UNC13B: variants seen among roughly 807,000 people sequenced by gnomAD.
UNC13B encodes unc-13 homolog B.
A neutral mutation model predicts 211.0 loss-of-function variants in UNC13B; 144 were observed. The ratio of observed to expected loss-of-function variants is 0.68; its 90% CI spans 0.60 to 0.78. The LOEUF (loss-of-function observed/expected upper bound fraction) is 0.78, where lower values mean the gene tolerates loss of function less well. UNC13B is among the 30% of genes least tolerant of loss of function. The pLI is 0.00. For missense variants in UNC13B, 1,777 were observed against 2,002.0 expected, an observed-to-expected ratio of 0.89 and a Z score of 2.14; for synonymous variants, 709 against 725.8, an observed-to-expected ratio of 0.98 and a Z score of 0.37.
chr9:35,401,914 T>C (rs1157802931), intron 37 of UNC13B: 13 of 1,542,804 alleles, frequency 8.4e-6, no homozygotes, highest in Non-Finnish European at 1.1e-5. Context: ...TCTGTTCTGC[T>C]GCTGCTACTA....
chr9:35,356,218 T>A (rs1833010592), intron 11 of UNC13B, among the ~76,000 whole-genome samples: 1 of 152,182 alleles, frequency 6.6e-6, no homozygotes, highest in African/African-American at 2.4e-5. Flanking sequence ...TAGACTTCAC[T>A]GGAGCAGTCC....
chr9:35,382,129 T>C (rs1413545733), intron 20 of UNC13B, among the ~76,000 whole-genome samples: 1 of 151,996 alleles, frequency 6.6e-6, no homozygotes, highest in African/African-American at 2.4e-5. Flanking sequence ...GTGTATGGAG[T>C]TGACCAGGAC....
At chr9:35,295,651 C>T in intron 7 of UNC13B, 45 bp from the exon 8 acceptor site, 1 of 1,571,056 alleles carries the variant, frequency 6.4e-7, no homozygotes, top group South Asian at 1.1e-5. Context: ...TTCTGAAGAA[C>T]TAAATAAAGC....
intron 37 of UNC13B, 119 bp downstream of exon 37, chr9:35,400,562 A>T: frequency 8.1e-7 from 1 of 1,241,254 alleles, no homozygotes; most frequent in African/African-American, 1.5e-5. Context: ...AGAGCCCTTC[A>T]AATTCAGATC....
chr9:35,184,814 GGAGA>G (rs1449581476), intron 1 of UNC13B, among the ~76,000 whole-genome samples: 1 of 71,848 alleles, frequency 1.4e-5, no homozygotes, highest in African/African-American at 5.7e-5. Flanking sequence ...GGGGGGGGGG[GGAGA>G]GAGAGAGAGA....
intron 1 of UNC13B, among the ~76,000 whole-genome samples, chr9:35,163,700 G>C (rs529718532): frequency 2.6e-5 from 4 of 152,316 alleles, no homozygotes; most frequent in African/African-American, 9.6e-5. Context: ...GAGCACTCGT[G>C]AATCAGAAAT....
At chr9:35,291,093 G>C (rs532935847) in intron 7 of UNC13B, 1 of 1,550,252 alleles carries the variant, frequency 6.5e-7, no homozygotes, top group Non-Finnish European at 8.7e-7. Context: ...TTGGGCTGGG[G>C]AGAACAACAG....
chr9:35,381,950 A>G (rs1275053191), intron 20 of UNC13B, among the ~76,000 whole-genome samples: 1 of 152,172 alleles, frequency 6.6e-6, no homozygotes, highest in African/African-American at 2.4e-5. Context: ...AGTTGAGGGA[A>G]CTCTGCAGGG....
chr9:35,397,813 T>A (rs1835989071), intron 30 of UNC13B, 101 bp downstream of exon 30: 4 of 1,205,708 alleles, frequency 3.3e-6, no homozygotes, highest in Non-Finnish European at 4.8e-6. Flanking sequence ...GTGACACTCC[T>A]GATGCCTGAT....
At chr9:35,325,620 A>G (rs1044688607) in intron 11 of UNC13B, among the ~76,000 whole-genome samples, 2 of 152,224 alleles carry the variant, frequency 1.3e-5, no homozygotes, top group African/African-American at 4.8e-5. Context: ...ATCTTAAAGT[A>G]TACAATTAAG....
intron 17 of UNC13B, among the ~76,000 whole-genome samples, chr9:35,379,268 C>A (rs1834658287): frequency 6.6e-6 from 1 of 152,048 alleles, no homozygotes; most frequent in African/African-American, 2.4e-5. Context: ...GCCAACATGG[C>A]AAAACCCCAT....
chr9:35,276,636 G>A (rs985117088), intron 7 of UNC13B, among the ~76,000 whole-genome samples: 3 of 152,030 alleles, frequency 2.0e-5, no homozygotes, highest in African/African-American at 7.3e-5. Flanking sequence ...ATAGAAATAC[G>A]TAACATGGGT....
At chr9:35,321,156 A>T (rs1223911181) in intron 11 of UNC13B, among the ~76,000 whole-genome samples, 1 of 152,134 alleles carries the variant, frequency 6.6e-6, no homozygotes, top group African/African-American at 2.4e-5. Flanking sequence ...TGAAAACATG[A>T]TTTAATGACT....
intron 8 of UNC13B, among the ~76,000 whole-genome samples, chr9:35,298,131 T>C (rs545944532): frequency 6.6e-6 from 1 of 152,296 alleles, no homozygotes; most frequent in South Asian, 2.1e-4. Context: ...TAAAATTCAC[T>C]AGACTGGCTA....
chr9:35,254,988 A>ATATAT (rs535651973), intron 6 of UNC13B, among the ~76,000 whole-genome samples: 29 of 121,174 alleles, frequency 2.4e-4, no homozygotes, highest in South Asian at 1.3e-3. Context: ...TAATATATGT[A>ATATAT]TATATTATAT....
chr9:35,357,732 CA>C (rs1833125229), intron 11 of UNC13B, among the ~76,000 whole-genome samples: 2 of 151,776 alleles, frequency 1.3e-5, no homozygotes, highest in Non-Finnish European at 2.9e-5. Flanking sequence ...TACTAAAAAT[CA>C]AAAAACAATT....
chr9:35,266,984 G>A (rs1185721218), intron 7 of UNC13B, among the ~76,000 whole-genome samples: 3 of 152,056 alleles, frequency 2.0e-5, no homozygotes, highest in African/African-American at 7.3e-5. Context: ...ATTATGAGAG[G>A]GAGCAGAGTT....
Position 35,301,272 on chromosome 9 carries a change from G to A in UNC13B, c.1868G>A (p.Gly623Asp), listed in dbSNP as rs1385387794. 3 of 398,696 alleles carry A rather than the reference G, an allele frequency of 7.5e-6. No individual in the cohort carries two copies. Among genetic ancestry groups the A allele is most frequent in the Non-Finnish European group, 1.3e-5 (3 of 225,950 alleles). The allele number at this position is 398,696 out of a possible 1,614,324, so 24.7% of individuals were successfully genotyped here. The change falls in exon 9 of 40, where the codon GGT (glycine) becomes GAT (aspartate). Residue 623 changes from glycine (G) to aspartate (D), a missense_variant. Transcript: ENST00000635942. ...AAAACCTCTGAAAATGAGCACATGG[G>A]TAATAAAACTGGGAGTTTATACTTT... is the stretch of plus-strand genomic sequence containing the variant. Reference protein sequence around the residue: ...HRKTSENEHMGNKTGSLYFQN... With the variant: ...HRKTSENEHMDNKTGSLYFQN...
At chr9:35,367,033 G>A (rs1833817069) in intron 12 of UNC13B, 40 bp downstream of exon 12, 3 of 1,580,860 alleles carry the variant, frequency 1.9e-6, no homozygotes, top group Non-Finnish European at 2.6e-6. Flanking sequence ...ATTTTATTCA[G>A]TATCTCTTGA....
Sources: allele counts gnomAD v4.1 joint callset (sites outside exome capture counted in the v4.1 genomes callset), GRCh38; gene constraint gnomAD v4.1.1; transcripts MANE v1.5; gene names NCBI Gene and HGNC (gene_info 2026-07-23, HGNC 2026-07-21).